CAV1: variants seen among roughly 807,000 people sequenced by gnomAD.
CAV1 encodes the protein caveolin 1.
Under a neutral mutation model 16.5 loss-of-function variants are expected in CAV1, and 10 were observed. The ratio of observed to expected loss-of-function variants is 0.61; its 90% CI spans 0.37 to 1.03. The LOEUF is 1.03. CAV1 is among the 50% of genes least tolerant of loss of function. CAV1 has a pLI of 0.01. For missense variants in CAV1, 212 were observed against 232.8 expected, an observed-to-expected ratio of 0.91 and a Z score of 0.58; for synonymous variants, 76 against 85.1, an observed-to-expected ratio of 0.89 and a Z score of 0.59.
intron 2 of CAV1, among the ~76,000 whole-genome samples, chr7:116,558,527 T>G (rs1237727557): frequency 6.6e-6 from 1 of 151,534 alleles, no homozygotes; most frequent in Non-Finnish European, 1.5e-5. Context: ...GTGGGTGGAT[T>G]CCTTGATCTC....
In CAV1 at chr7:116,559,186, C is replaced by G; in HGVS notation, c.436C>G (p.Arg146Gly). The change falls in exon 3 of 3, where the codon CGT becomes GGT. Residue 146 changes from arginine to glycine, a missense_variant. Physicochemically the swap from Arg to Gly is moderately radical, Grantham distance 125. Transcript: ENST00000341049. ...CCTGATTGAGATTCAGTGCATCAGC[C>G]GTGTCTATTCCATCTACGTCCACAC... Reference protein sequence around the residue: ...SFLIEIQCISRVYSIYVHTVC... With the variant: ...SFLIEIQCISGVYSIYVHTVC... The G allele has an allele frequency of 6.2e-7, 1 of 1,613,866 alleles. No individual in the cohort carries two copies. The highest frequency in any genetic ancestry group is 1.1e-5 in the South Asian group (1 of 91,074).
intron 2 of CAV1, among the ~76,000 whole-genome samples, chr7:116,552,917 C>G (rs1226245099): frequency 6.6e-6 from 1 of 152,208 alleles, no homozygotes; most frequent in African/African-American, 2.4e-5. Flanking sequence ...CCATCAGGAT[C>G]CTGTTGGCAG....
chr7:116,526,482 GCCGCCCTCCCCGTCCTGGCCGT>G (rs1460249885), intron 1 of CAV1, 21 bp from the exon 2 acceptor site: 1 of 1,612,542 alleles, frequency 6.2e-7, no homozygotes, highest in East Asian at 2.2e-5. Context: ...CACCGCCGTT[GCCGCCCTCCCCGTCCTGGCCGT>G]CCGCCCTCCG....
chr7:116,559,532 G>C lies in CAV1; in HGVS notation c.*245G>C, dbSNP rs571670408. 3.3e-6 allele frequency: 2 copies of C among 598,274 alleles called. No individual in the cohort carries two copies. 37.1% of individuals were successfully genotyped at this position (598,274 alleles called of 1,614,324 possible). On this transcript the variant is annotated 3_prime_UTR_variant, in exon 3 of 3. Coordinates refer to ENST00000341049, the MANE Select transcript of CAV1 (RefSeq NM_001753.5). Reference sequence around the variant, plus strand: ...TTTTTCCTTACCTTTTTATTTGCATGTGGATCAACCATCGCTTTATTGGCT... The same window carrying C: ...TTTTTCCTTACCTTTTTATTTGCATCTGGATCAACCATCGCTTTATTGGCT...
chr7:116,550,827 T>C (rs2116063388), intron 2 of CAV1, among the ~76,000 whole-genome samples: 1 of 152,338 alleles, frequency 6.6e-6, no homozygotes, highest in South Asian at 2.1e-4. Flanking sequence ...AACATTTCTA[T>C]TGTCCATTTG....
In CAV1 at chr7:116,560,321, T is replaced by A. The variant is rs1409936468; in HGVS notation, c.*1034T>A. ...GCTTTCCTGAATCCAAACTAATCCA[T>A]CACCGGGGTGGTTTAGTGGCTCAAC... is the stretch of plus-strand genomic sequence containing the variant. On this transcript the variant is annotated 3_prime_UTR_variant, in exon 3 of 3. Coordinates refer to ENST00000341049, the MANE Select transcript of CAV1 (RefSeq NM_001753.5). The A allele has an allele frequency of 6.6e-6, 1 of 152,636 alleles. No individual in the cohort carries two copies. The highest frequency in any genetic ancestry group is 1.9e-4 in the East Asian group (1 of 5,186). 9.5% of individuals were successfully genotyped at this position (152,636 alleles called of 1,614,324 possible). A position where few individuals can be genotyped will look rare whatever the true frequency, so the allele number is the denominator to read the frequency against.
intron 2 of CAV1, among the ~76,000 whole-genome samples, chr7:116,539,296 T>G (rs1407567238): frequency 6.6e-6 from 1 of 152,126 alleles, no homozygotes; most frequent in Non-Finnish European, 1.5e-5. Context: ...CTCCTCTCCC[T>G]TCCTTCTCAC....
intron 2 of CAV1, among the ~76,000 whole-genome samples, chr7:116,552,903 G>A (rs184872540): frequency 6.6e-6 from 1 of 152,234 alleles, no homozygotes; most frequent in African/African-American, 2.4e-5. Context: ...ACCATTACCC[G>A]AATCCATCAG....
chr7:116,534,197 G>A (rs751344494), intron 2 of CAV1, among the ~76,000 whole-genome samples: 7 of 151,196 alleles, frequency 4.6e-5, no homozygotes, highest in Middle Eastern at 3.4e-3. Context: ...CAGCCTGGGC[G>A]ACAGAGTGAG....
intron 2 of CAV1, among the ~76,000 whole-genome samples, chr7:116,546,697 C>CAAAAAAAAAAAAAAAAAAA (rs5886830): frequency 0.019 from 1,660 of 88,080 alleles, 75 homozygotes; most frequent in East Asian, 0.043. Context: ...GACTCTGTCA[C>CAAAAAAAAAAAAAAAAAAA]AAAAAAAAAA....
rs3030806 is a variant in CAV1 at position 116,530,208 on chromosome 7, C to CTTTTTTTTTTTTTTTTTTTTTTTT, written c.195+3532_195+3533insTTTTTTTTTTTTTTTTTTTTTTTT. Among the ~76,000 whole-genome samples the CTTTTTTTTTTTTTTTTTTTTTTTT allele has an allele frequency of 6.8e-4, 85 of 125,346 alleles. 1 individual carries two copies. The highest frequency in any genetic ancestry group is 8.6e-4 in the Non-Finnish European group (53 of 61,738). 82.2% of individuals were successfully genotyped at this position (125,346 alleles called of 152,430 possible). A position where few individuals can be genotyped will look rare whatever the true frequency, so the allele number is the denominator to read the frequency against. ...CATGGAAACTGATTGGTCCTTTTTC[C>CTTTTTTTTTTTTTTTTTTTTTTTT]TTTTTTTTTTTTTGCCTTGACTGCC... On this transcript the variant is annotated intron_variant, in intron 2 of 2. Coordinates refer to ENST00000341049, the MANE Select transcript of CAV1 (RefSeq NM_001753.5).
rs763800018 is a variant in CAV1 at position 116,533,348 on chromosome 7, T to TAAATA, written c.195+6718_195+6722dup. ...CGAGACTCCGTCTCAAAAAATAAAA[T>TAAATA]AAATAAAATAAAATAAAATAAAATA... is the stretch of plus-strand genomic sequence containing the variant. On this transcript the variant is annotated intron_variant, in intron 2 of 2. Coordinates refer to ENST00000341049, the MANE Select transcript of CAV1 (RefSeq NM_001753.5). 9.7e-3 allele frequency among the ~76,000 whole-genome samples: 1,336 copies of TAAATA among 137,554 alleles called. 17 individuals carry two copies. Among genetic ancestry groups the TAAATA allele is most frequent in the African/African-American group, 0.017 (618 of 35,838 alleles). The allele number at this position is 137,554 out of a possible 152,430, so 90.2% of individuals were successfully genotyped here.
At chr7:116,530,528 G>C (rs1793667668) in intron 2 of CAV1, among the ~76,000 whole-genome samples, 1 of 152,210 alleles carries the variant, frequency 6.6e-6, no homozygotes, top group Non-Finnish European at 1.5e-5. Flanking sequence ...GTCAGAGAAG[G>C]AGGATGTATT....
chr7:116,555,014 C>T (rs1794230710), intron 2 of CAV1, among the ~76,000 whole-genome samples: 1 of 152,190 alleles, frequency 6.6e-6, no homozygotes, highest in Non-Finnish European at 1.5e-5. Context: ...GGAATAATGA[C>T]ATGCACTTCA....
intron 2 of CAV1, 59 bp from the exon 3 acceptor site, chr7:116,558,886 TG>T: frequency 1.6e-6 from 2 of 1,273,174 alleles, no homozygotes; most frequent in South Asian, 1.2e-5. Flanking sequence ...TACTGAATAG[TG>T]GGTTTTTTTT....
At position 116,537,312 on chromosome 7, in the gene CAV1, C is replaced by T. The variant is rs190261377; in HGVS notation, c.195+10623C>T. On this transcript the variant is annotated intron_variant, in intron 2 of 2. Coordinates refer to ENST00000341049, the MANE Select transcript of CAV1 (RefSeq NM_001753.5). ...TGAGATATCCCCTTTAAAGGGCTCT[C>T]GGTGCAATGGGGCAAATCAAGGGGG... 8.5e-5 allele frequency among the ~76,000 whole-genome samples: 13 copies of T among 152,074 alleles called. No homozygotes were observed. The East Asian group carries it at 1.7e-3, about 20-fold the overall frequency.
chr7:116,548,014 G>T (rs901715991), intron 2 of CAV1, among the ~76,000 whole-genome samples: 2 of 152,048 alleles, frequency 1.3e-5, no homozygotes, highest in Admixed American at 1.3e-4. Context: ...CACAGTAATC[G>T]ATTATCACAC....
At chr7:116,534,370 TATATATATATATA>T (rs1793751489) in intron 2 of CAV1, among the ~76,000 whole-genome samples, 1 of 15,058 alleles carries the variant, frequency 6.6e-5, no homozygotes, top group African/African-American at 1.6e-4. Flanking sequence ...CAGATATATA[TATATATATATATA>T]TATATATATA....
chr7:116,526,252 C>T (rs905272582), intron 1 of CAV1: 73 of 1,230,320 alleles, frequency 5.9e-5, no homozygotes, highest in Non-Finnish European at 7.1e-5. Flanking sequence ...GGGGCCTGCC[C>T]TGACCCCTGG....
Sources: gnomAD v4.1 joint callset for allele counts (sites outside exome capture counted in the v4.1 genomes callset) on GRCh38, gnomAD v4.1.1 for gene constraint, MANE v1.5 for transcripts, NCBI Gene and HGNC (gene_info 2026-07-23, HGNC 2026-07-21) for gene names.